Variants in ZNF704 observed in about 807,000 individuals in gnomAD.
ZNF704 encodes the protein zinc finger protein 704.
ZNF704 carries 10 observed loss-of-function variants against 44.7 expected under a neutral mutation model. The ratio of observed to expected loss-of-function variants is 0.22; its 90% CI spans 0.14 to 0.38. The LOEUF (loss-of-function observed/expected upper bound fraction) is 0.38, where lower values mean the gene tolerates loss of function less well. ZNF704 is among the 10% of genes least tolerant of loss of function. ZNF704 has a pLI of 1.00. For missense variants in ZNF704, 390 were observed against 545.5 expected (o/e 0.71, Z 2.84); for synonymous variants, 211 against 207.6 (o/e 1.02, Z -0.14).
chr8:80,664,517 C>G (rs141705712), intron 6 of ZNF704, among the ~76,000 whole-genome samples: 1 of 151,948 alleles, frequency 6.6e-6, no homozygotes, highest in Non-Finnish European at 1.5e-5. Flanking sequence ...GTGATCCGCC[C>G]GCCTCAGCCT....
chr8:80,853,572 C>T (rs1422681209), intron 1 of ZNF704, among the ~76,000 whole-genome samples: 10 of 150,800 alleles, frequency 6.6e-5, no homozygotes, highest in Admixed American at 6.6e-4. Flanking sequence ...AAAAAAAAGA[C>T]AACGAAACTA....
At chr8:80,835,374 G>C (rs2129942645) in intron 1 of ZNF704, among the ~76,000 whole-genome samples, 1 of 152,250 alleles carries the variant, frequency 6.6e-6, no homozygotes, top group East Asian at 1.9e-4. Flanking sequence ...TTGTCTTGAA[G>C]AAAACAACAT....
intron 4 of ZNF704, among the ~76,000 whole-genome samples, chr8:80,677,904 A>AT (rs1818395259): frequency 6.6e-6 from 1 of 152,256 alleles, no homozygotes; most frequent in South Asian, 2.1e-4. Flanking sequence ...GTAGAATTTA[A>AT]TGTTTCTCAG....
chr8:80,706,477 T>C (rs1399213154), intron 2 of ZNF704, among the ~76,000 whole-genome samples: 5 of 152,248 alleles, frequency 3.3e-5, no homozygotes, highest in Non-Finnish European at 7.3e-5. Context: ...GAAGTGACAG[T>C]TGTAGCTATT....
chr8:80,767,380 G>T (rs1807245517), intron 2 of ZNF704, among the ~76,000 whole-genome samples: 2 of 149,586 alleles, frequency 1.3e-5, no homozygotes, highest in Non-Finnish European at 3.0e-5. Context: ...AAAATATAAG[G>T]AACTCCATGT....
chr8:80,840,018 A>T (rs1321299627), intron 1 of ZNF704, among the ~76,000 whole-genome samples: 2 of 152,226 alleles, frequency 1.3e-5, no homozygotes, highest in Admixed American at 6.5e-5. Flanking sequence ...AGTTTTGCTC[A>T]GTTTTGAATC....
intron 4 of ZNF704, among the ~76,000 whole-genome samples, chr8:80,671,349 A>T (rs538895628): frequency 6.6e-6 from 1 of 152,258 alleles, no homozygotes; most frequent in East Asian, 1.9e-4. Context: ...GGCTGCGGCA[A>T]TATTTTCTAA....
intron 2 of ZNF704, among the ~76,000 whole-genome samples, chr8:80,769,727 T>C (rs551515270): frequency 2.0e-5 from 3 of 152,330 alleles, no homozygotes; most frequent in Non-Finnish European, 4.4e-5. Context: ...AGTTCCAAAC[T>C]TTCCCACATT....
chr8:80,826,232 A>G (rs1217618760), intron 1 of ZNF704, among the ~76,000 whole-genome samples: 3 of 152,212 alleles, frequency 2.0e-5, no homozygotes, highest in Non-Finnish European at 2.9e-5. Context: ...ACAATAAAAA[A>G]TCATAAAGGA....
At chr8:80,850,970 A>T (rs1808849318) in intron 1 of ZNF704, among the ~76,000 whole-genome samples, 1 of 152,208 alleles carries the variant, frequency 6.6e-6, no homozygotes, top group Non-Finnish European at 1.5e-5. Flanking sequence ...ATACCTTCTG[A>T]GAAATAAATA....
At chr8:80,838,756 A>G (rs887186177) in intron 1 of ZNF704, among the ~76,000 whole-genome samples, 2 of 149,026 alleles carry the variant, frequency 1.3e-5, no homozygotes, top group African/African-American at 2.5e-5. Context: ...GAGGAGGAGG[A>G]GGCCACCCGA....
chr8:80,805,581 A>G lies in ZNF704; in HGVS notation c.221+15793T>C, dbSNP rs145209690. Among the ~76,000 whole-genome samples the G allele has an allele frequency of 4.5e-3, 686 of 152,318 alleles. 7 individuals are homozygous for G. The highest frequency in any genetic ancestry group is 0.016 in the African/African-American group (656 of 41,580). On this transcript the variant is annotated intron_variant, in intron 2 of 8. Transcript: ENST00000327835. ...AAACTAGATATCTTTTTTTCACTGT[A>G]GGATTTTTACTTTTTTTCTTTCTCA...
At chr8:80,657,556 G>A (rs749521609) in intron 7 of ZNF704, among the ~76,000 whole-genome samples, 19 of 152,204 alleles carry the variant, frequency 1.2e-4, no homozygotes, top group Admixed American at 5.2e-4. Context: ...AGCCAGGTGT[G>A]ATGGTGTGCT....
At chr8:80,724,552 C>T (rs1481792414) in intron 2 of ZNF704, among the ~76,000 whole-genome samples, 2 of 152,158 alleles carry the variant, frequency 1.3e-5, no homozygotes, top group African/African-American at 2.4e-5. Context: ...CCCCAAATGT[C>T]TCTCCAGTCC....
chr8:80,831,081 G>A (rs1421308484), intron 1 of ZNF704, among the ~76,000 whole-genome samples: 1 of 152,050 alleles, frequency 6.6e-6, no homozygotes, highest in Admixed American at 6.5e-5. Flanking sequence ...AGAACCCCTA[G>A]AAACAAAAAT....
chr8:80,677,378 A>G (rs981805323), intron 4 of ZNF704, among the ~76,000 whole-genome samples: 1 of 152,226 alleles, frequency 6.6e-6, no homozygotes, highest in African/African-American at 2.4e-5. Flanking sequence ...AGAAAAATAA[A>G]TATCATTGGT....
At chr8:80,654,765 T>C (rs1489822435) in intron 7 of ZNF704, among the ~76,000 whole-genome samples, 1 of 152,180 alleles carries the variant, frequency 6.6e-6, no homozygotes, top group Non-Finnish European at 1.5e-5. Context: ...AGTTCAACCA[T>C]TGTGGAAGTC....
the ZNF704 span, among the ~76,000 whole-genome samples, chr8:80,882,286 C>A: frequency 6.6e-6 from 1 of 152,196 alleles, no homozygotes; most frequent in African/African-American, 2.4e-5. Flanking sequence ...TTAATCATGT[C>A]TTTTTCTATC....
At chr8:80,841,715 C>T (rs1183942498) in intron 1 of ZNF704, among the ~76,000 whole-genome samples, 1 of 152,196 alleles carries the variant, frequency 6.6e-6, no homozygotes, top group East Asian at 1.9e-4. Flanking sequence ...CCAGAGAGAT[C>T]CCTAGCAGAG....
Sources: gnomAD v4.1 joint callset for allele counts (sites outside exome capture counted in the v4.1 genomes callset) on GRCh38, gnomAD v4.1.1 for gene constraint, MANE v1.5 for transcripts, NCBI Gene and HGNC (gene_info 2026-07-23, HGNC 2026-07-21) for gene names.